The following CCDC90B variants were observed in gnomAD, a reference collection of about 807,000 sequenced individuals.
CCDC90B encodes the protein coiled-coil domain containing 90B, also known as coiled-coil domain-containing protein 90B, mitochondrial.
Under a neutral mutation model 37.0 loss-of-function variants are expected in CCDC90B, and 24 were observed. The observed-to-expected ratio is 0.65, with a 90% CI of 0.47 to 0.91. CCDC90B has a LOEUF of 0.91. Among genes scored for constraint, CCDC90B ranks in the 40% least tolerant of loss-of-function variants. CCDC90B has a pLI of 0.00. For synonymous variants in CCDC90B, 113 were observed against 101.1 expected, an observed-to-expected ratio of 1.12 and a Z score of -0.71; for missense variants, 319 against 299.0, an observed-to-expected ratio of 1.07 and a Z score of -0.49.
In CCDC90B at chr11:83,259,640, T is replaced by G. The variant is rs1156402361; in HGVS notation, c.*2271A>C. 6.6e-6 allele frequency: 1 copy of G among 152,206 alleles called. No individual in the cohort carries two copies. Among genetic ancestry groups the G allele is most frequent in the Non-Finnish European group, 1.5e-5 (1 of 68,048 alleles). 9.4% of individuals were successfully genotyped at this position (152,206 alleles called of 1,614,324 possible). On this transcript the variant is annotated 3_prime_UTR_variant, in exon 9 of 9. Transcript: ENST00000529689. ...AGGCCTAAAAAACACCTTTATTTGCTGATAAAACTATTGGAGAAGTTTTTT... is the reference window on the plus strand; with the variant it reads ...AGGCCTAAAAAACACCTTTATTTGCGGATAAAACTATTGGAGAAGTTTTTT...
chr11:83,272,730 CCTTCT>C (rs1238126409), intron 7 of CCDC90B, among the ~76,000 whole-genome samples: 3 of 152,190 alleles, frequency 2.0e-5, no homozygotes, highest in Admixed American at 6.5e-5. Flanking sequence ...ACAAATGTGA[CCTTCT>C]CTTCTATTAA....
chr11:83,275,938 C>T (rs2135642442), intron 3 of CCDC90B, among the ~76,000 whole-genome samples: 1 of 152,286 alleles, frequency 6.6e-6, no homozygotes, highest in South Asian at 2.1e-4. Flanking sequence ...ATGGTTAGCA[C>T]TGAGATGTTA....
Position 83,261,908 on chromosome 11 carries a change from A to T in CCDC90B, c.*3T>A. On this transcript the variant is annotated 3_prime_UTR_variant, in exon 9 of 9. Transcript: ENST00000529689. ...AACAGCCACAGCAGGATGAGCATTA[A>T]TACTACTTCCAGAATCTATAAAATC... The T allele has an allele frequency of 1.2e-6, 2 of 1,601,494 alleles. No homozygotes were observed. The highest frequency in any genetic ancestry group is 1.7e-6 in the Non-Finnish European group (2 of 1,172,604).
At chr11:83,281,212 G>C (rs1431179746) in intron 1 of CCDC90B, among the ~76,000 whole-genome samples, 3 of 152,134 alleles carry the variant, frequency 2.0e-5, no homozygotes, top group Non-Finnish European at 2.9e-5. Flanking sequence ...AAAATATCTA[G>C]ATATTTAAAA....
At chr11:83,274,611 ATAAG>A (rs1305078009) in intron 4 of CCDC90B, 24 bp downstream of exon 4, 1 of 1,345,220 alleles carries the variant, frequency 7.4e-7, no homozygotes, top group South Asian at 1.3e-5. Flanking sequence ...CAGTTATTTT[ATAAG>A]TAATAAATTA....
intron 3 of CCDC90B, among the ~76,000 whole-genome samples, chr11:83,278,151 T>C (rs948867695): frequency 3.3e-5 from 5 of 152,216 alleles, no homozygotes; most frequent in South Asian, 4.1e-4. Flanking sequence ...AGTGGCCAAA[T>C]AGAATTCTGC....
chr11:83,274,840 A>G, intron 3 of CCDC90B, 100 bp from the exon 4 acceptor site: 1 of 720,084 alleles, frequency 1.4e-6, no homozygotes, highest in South Asian at 1.7e-5. Flanking sequence ...TTAACATGCT[A>G]CAAGGTATAA....
chr11:83,286,013 G>A lies in CCDC90B; in HGVS notation c.-41C>T, dbSNP rs1461144925. The A allele has an allele frequency of 1.3e-6, 2 of 1,579,000 alleles. No individual in the cohort carries two copies. Among genetic ancestry groups the A allele is most frequent in the Non-Finnish European group, 1.7e-6 (2 of 1,162,584 alleles). On this transcript the variant is annotated 5_prime_UTR_variant, in exon 1 of 9. Coordinates refer to ENST00000529689, the MANE Select transcript of CCDC90B (RefSeq NM_021825.5). ...CGGTGGGAGGGAGGCGGAAGACGGG[G>A]TAAATCTCGCACAGGCTTTCGGGCA...
intron 7 of CCDC90B, among the ~76,000 whole-genome samples, chr11:83,268,792 CAACA>C (rs1318106829): frequency 6.6e-6 from 1 of 152,224 alleles, no homozygotes; most frequent in Non-Finnish European, 1.5e-5. Context: ...CAACCCAAAT[CAACA>C]GAGTATACAT....
intron 7 of CCDC90B, among the ~76,000 whole-genome samples, chr11:83,270,755 C>G (rs907384005): frequency 5.3e-5 from 8 of 152,094 alleles, no homozygotes; most frequent in African/African-American, 1.9e-4. Context: ...ACTTTCTTCA[C>G]AGAATTGGAA....
intron 7 of CCDC90B, among the ~76,000 whole-genome samples, chr11:83,269,150 C>T (rs978572564): frequency 3.3e-5 from 5 of 152,092 alleles, no homozygotes; most frequent in Admixed American, 6.5e-5. Context: ...TAAATGCCCA[C>T]AAGAGAAAGC....
intron 7 of CCDC90B, among the ~76,000 whole-genome samples, chr11:83,270,893 C>G (rs975317853): frequency 5.3e-5 from 8 of 152,184 alleles, no homozygotes; most frequent in African/African-American, 9.7e-5. Context: ...GCTACAGTAA[C>G]CAAAACAGCA....
At chr11:83,281,672 TTA>T (rs1184407148) in intron 1 of CCDC90B, among the ~76,000 whole-genome samples, 1 of 151,588 alleles carries the variant, frequency 6.6e-6, no homozygotes, top group African/African-American at 2.4e-5. Flanking sequence ...AAAAGAAAAA[TTA>T]GAGGAAAAAG....
In CCDC90B at chr11:83,260,527, A is replaced by G. The variant is rs1376623874; in HGVS notation, c.*1384T>C. The stretch of plus-strand genomic sequence containing the variant: ...AACCAGCAGTTAGATTTTTGAGGAA[A>G]ATATAGTTGGAAAGCCTGACTCTCA... On this transcript the variant is annotated 3_prime_UTR_variant, in exon 9 of 9. Transcript: ENST00000529689. 6.6e-6 allele frequency: 1 copy of G among 152,230 alleles called. No homozygotes were observed. The highest frequency in any genetic ancestry group is 2.4e-5 in the African/African-American group (1 of 41,460). 9.4% of individuals were successfully genotyped at this position (152,230 alleles called of 1,614,324 possible). A position where few individuals can be genotyped will look rare whatever the true frequency, so the allele number is the denominator to read the frequency against.
In CCDC90B at chr11:83,285,992, G is replaced by T; in HGVS notation, c.-20C>A. On this transcript the variant is annotated 5_prime_UTR_variant, in exon 1 of 9. Transcript: ENST00000529689. ...ATTCATGTCCTCAGAGTTTTCCGGT[G>T]GGAGGGAGGCGGAAGACGGGGTAAA... The T allele has an allele frequency of 6.2e-7, 1 of 1,600,508 alleles. No individual in the cohort carries two copies. The highest frequency in any genetic ancestry group is 2.3e-5 in the East Asian group (1 of 44,162).
chr11:83,270,972 C>T (rs1167497283), intron 7 of CCDC90B, among the ~76,000 whole-genome samples: 3 of 152,130 alleles, frequency 2.0e-5, no homozygotes, highest in Non-Finnish European at 4.4e-5. Flanking sequence ...TAACACCACA[C>T]ATCTACAACC....
rs1359733611 is a variant in CCDC90B at position 83,265,890 on chromosome 11, T to C, written c.684A>G (p.Lys228=). Residue 228 remains lysine (K), a synonymous_variant, in exon 8 of 9, where the codon AAA becomes AAG. Transcript: ENST00000529689. The stretch of plus-strand genomic sequence containing the variant: ...CTGCAAGATAACGAATTGTCTCAAG[T>C]TTGTTAGATTCCATCAGTGTTTTTA... ...ASLKTLMESN[K]LETIRYLAAS... 1 of 1,607,250 alleles carries C rather than the reference T, an allele frequency of 6.2e-7. No individual in the cohort carries two copies. Among genetic ancestry groups the C allele is most frequent in the Non-Finnish European group, 8.5e-7 (1 of 1,175,858 alleles).
intron 7 of CCDC90B, among the ~76,000 whole-genome samples, chr11:83,269,193 C>A (rs1054060516): frequency 6.6e-6 from 1 of 152,100 alleles, no homozygotes; most frequent in African/African-American, 2.4e-5. Flanking sequence ...CCTAACATCA[C>A]AATTAAAAGA....
chr11:83,261,815 T>C lies in CCDC90B; in HGVS notation c.*96A>G. On this transcript the variant is annotated 3_prime_UTR_variant, in exon 9 of 9. Transcript: ENST00000529689. ...CGTATACACTTCGAATAATCTTGTG[T>C]AGTAAATTTTTGCTGCAACTGACAA... 5.1e-6 allele frequency: 4 copies of C among 791,536 alleles called. No individual in the cohort carries two copies. Among genetic ancestry groups the C allele is most frequent in the Non-Finnish European group, 8.5e-6 (4 of 469,234 alleles). 49.0% of individuals were successfully genotyped at this position (791,536 alleles called of 1,614,324 possible).
Sources: gnomAD v4.1 joint callset for allele counts (sites outside exome capture counted in the v4.1 genomes callset) on GRCh38, gnomAD v4.1.1 for gene constraint, MANE v1.5 for transcripts, NCBI Gene and HGNC (gene_info 2026-07-23, HGNC 2026-07-21) for gene names.